PRDM11: variants seen among roughly 807,000 people sequenced by gnomAD.
PRDM11 encodes the protein PR/SET domain 11.
In PRDM11, 20 loss-of-function variants were observed where a neutral mutation model predicts 97.8. The observed-to-expected ratio is 0.20, with a 90% CI of 0.14 to 0.30. The LOEUF is 0.30. PRDM11 is among the 10% of genes least tolerant of loss of function. PRDM11 has a pLI of 1.00. For synonymous variants in PRDM11, 599 were observed against 637.7 expected, an observed-to-expected ratio of 0.94 and a Z score of 0.91; for missense variants, 1,139 against 1,555.2, an observed-to-expected ratio of 0.73 and a Z score of 4.50.
In PRDM11 at chr11:45,182,279, T is replaced by C. The variant is rs1852535499; in HGVS notation, c.153T>C (p.Val51=). The C allele has an allele frequency of 1.9e-6, 3 of 1,613,994 alleles. No homozygotes were observed. The highest frequency in any genetic ancestry group is 2.5e-6 in the Non-Finnish European group (3 of 1,180,008). Reference sequence around the variant, plus strand: ...GACCGGACTCCTCGGCCATGGAAGTTGAGCCCAAGAAACTGAAGGGGAAGC... The same window carrying C: ...GACCGGACTCCTCGGCCATGGAAGTCGAGCCCAAGAAACTGAAGGGGAAGC... ...SRRPDSSAME[V]EPKKLKGKRD... is the part of the protein sequence containing the mutation. Residue 51 remains valine (V), a synonymous_variant, in exon 3 of 8, where the codon GTT becomes GTC. Transcript: ENST00000683152.
intron 1 of PRDM11, among the ~76,000 whole-genome samples, chr11:45,154,347 C>T (rs748029337): frequency 6.6e-6 from 1 of 152,090 alleles, no homozygotes. Flanking sequence ...CAGAGTGAGA[C>T]CCTGTCTCAA....
intron 1 of PRDM11, among the ~76,000 whole-genome samples, chr11:45,178,663 T>C (rs968322167): frequency 1.3e-5 from 2 of 152,206 alleles, no homozygotes; most frequent in African/African-American, 2.4e-5. Flanking sequence ...GAATATTTAC[T>C]GAGAATATGC....
intron 1 of PRDM11, among the ~76,000 whole-genome samples, chr11:45,141,444 T>C (rs1001160320): frequency 2.0e-5 from 3 of 152,226 alleles, no homozygotes; most frequent in Non-Finnish European, 4.4e-5. Flanking sequence ...TGATAATAAA[T>C]GTTTACTGTC....
chr11:45,166,754 T>A (rs527567773), intron 1 of PRDM11, among the ~76,000 whole-genome samples: 1 of 152,336 alleles, frequency 6.6e-6, no homozygotes, highest in African/African-American at 2.4e-5. Flanking sequence ...TCCATGCCCC[T>A]TCCACCTCCT....
intron 1 of PRDM11, among the ~76,000 whole-genome samples, chr11:45,099,886 C>T (rs896906604): frequency 6.6e-5 from 10 of 152,124 alleles, no homozygotes; most frequent in South Asian, 2.1e-4. Flanking sequence ...TCTCAGGACC[C>T]AGTTACTCTT....
At chr11:45,163,192 G>A (rs1370852497) in intron 1 of PRDM11, among the ~76,000 whole-genome samples, 2 of 152,166 alleles carry the variant, frequency 1.3e-5, no homozygotes, top group African/African-American at 2.4e-5. Context: ...GTCTTCCTCC[G>A]GGCAAAACCA....
At chr11:45,127,945 G>A (rs1169733859) in intron 1 of PRDM11, among the ~76,000 whole-genome samples, 1 of 152,242 alleles carries the variant, frequency 6.6e-6, no homozygotes, top group Admixed American at 6.5e-5. Context: ...CCTGCCCCCA[G>A]AGGTGGAGCC....
rs374440100 is a variant in PRDM11, at chr11:45,226,089, A to G, written c.1464A>G (p.Thr488=). The change falls in exon 8 of 8, where the codon ACA becomes ACG. Residue 488 remains threonine, a synonymous_variant. Coordinates refer to ENST00000683152, the MANE Select transcript of PRDM11 (RefSeq NM_001384648.1). The part of the protein sequence containing the change: ...ADESVSNDMM[T]ATDEPSKMSS... ...AATCTGTCTCCAATGATATGATGAC[A>G]GCGACGGATGAGCCCTCCAAGATGT... 5.2e-6 allele frequency: 8 copies of G among 1,531,970 alleles called. No homozygotes were observed. The East Asian group carries it at 1.5e-4, about 28-fold the overall frequency. 94.9% of individuals were successfully genotyped at this position (1,531,970 alleles called of 1,614,324 possible).
intron 1 of PRDM11, among the ~76,000 whole-genome samples, chr11:45,117,564 T>C (rs1435875369): frequency 6.6e-6 from 1 of 152,048 alleles, no homozygotes; most frequent in Admixed American, 6.6e-5. Flanking sequence ...CTGAGCAACA[T>C]AGCAAGAACC....
intron 4 of PRDM11, among the ~76,000 whole-genome samples, chr11:45,187,196 T>C (rs1054752021): frequency 7.2e-5 from 11 of 152,178 alleles, no homozygotes; most frequent in African/African-American, 2.7e-4. Context: ...GTGATCGCAG[T>C]GCTGCAGAGG....
chr11:45,191,385 A>G (rs1852908004), intron 4 of PRDM11, among the ~76,000 whole-genome samples: 1 of 151,966 alleles, frequency 6.6e-6, no homozygotes, highest in Non-Finnish European at 1.5e-5. Context: ...GGTTAAAATG[A>G]TTTTTCTATT....
chr11:45,140,096 A>G (rs557958776), intron 1 of PRDM11, among the ~76,000 whole-genome samples: 1 of 152,250 alleles, frequency 6.6e-6, no homozygotes, highest in Non-Finnish European at 1.5e-5. Context: ...GAAAAAGGAC[A>G]TTTGAACACC....
Position 45,206,401 on chromosome 11 carries a change from G to A in PRDM11, c.554+1623G>A, listed in dbSNP as rs546831179. Among the ~76,000 whole-genome samples, 15 of 152,324 alleles carry A rather than the reference G, an allele frequency of 9.8e-5. No homozygotes were observed. The South Asian group carries it at 1.0e-3, about 11-fold the overall frequency. On this transcript the variant is annotated intron_variant, in intron 5 of 7. Coordinates refer to ENST00000683152, the MANE Select transcript of PRDM11 (RefSeq NM_001384648.1). ...GTGGTGTCTAGTCAGGCTGTTGGGC[G>A]GCTGCTCAGTTTGGACCCCAAGCCT... is the stretch of plus-strand genomic sequence containing the variant.
intron 1 of PRDM11, among the ~76,000 whole-genome samples, chr11:45,137,369 G>A (rs1333293733): frequency 6.6e-6 from 1 of 151,956 alleles, no homozygotes; most frequent in Non-Finnish European, 1.5e-5. Context: ...GGAGGCGGAG[G>A]TTGCAGTGAG....
intron 1 of PRDM11, among the ~76,000 whole-genome samples, chr11:45,166,055 G>T (rs1852056457): frequency 6.6e-6 from 1 of 152,216 alleles, no homozygotes; most frequent in South Asian, 2.1e-4. Context: ...TGCTTACTAG[G>T]TTGTGGACAG....
At chr11:45,152,649 T>G (rs2135687224) in intron 1 of PRDM11, among the ~76,000 whole-genome samples, 1 of 152,312 alleles carries the variant, frequency 6.6e-6, no homozygotes, top group South Asian at 2.1e-4. Context: ...TCAAAGTGCT[T>G]TATCTGCTTT....
chr11:45,175,287 C>T (rs1294208837), intron 1 of PRDM11, among the ~76,000 whole-genome samples: 2 of 152,162 alleles, frequency 1.3e-5, no homozygotes, highest in East Asian at 1.9e-4. Context: ...TATATTCCAC[C>T]TATTTGTTCC....
intron 1 of PRDM11, among the ~76,000 whole-genome samples, chr11:45,113,460 G>T (rs1473621171): frequency 6.6e-6 from 1 of 151,974 alleles, no homozygotes; most frequent in African/African-American, 2.4e-5. Context: ...ACAATTTTAG[G>T]ATTGTTTTTT....
At chr11:45,207,536 C>G (rs1434068915) in intron 5 of PRDM11, among the ~76,000 whole-genome samples, 1 of 152,114 alleles carries the variant, frequency 6.6e-6, no homozygotes, top group Admixed American at 6.5e-5. Context: ...CCCTTCCCCC[C>G]AACGAAAAAT....
Sources: gnomAD v4.1 joint callset for allele counts (sites outside exome capture counted in the v4.1 genomes callset) on GRCh38, gnomAD v4.1.1 for gene constraint, MANE v1.5 for transcripts, NCBI Gene and HGNC (gene_info 2026-07-23, HGNC 2026-07-21) for gene names.